The following SPAG16 variants were observed in gnomAD, a reference collection of about 807,000 sequenced individuals.
SPAG16 encodes the protein sperm-associated antigen 16 protein.
A neutral mutation model predicts 80.4 loss-of-function variants in SPAG16; 86 were observed. The observed-to-expected ratio is 1.07, with a 90% CI of 0.90 to 1.28. The LOEUF (loss-of-function observed/expected upper bound fraction) is 1.28. Among genes scored for constraint, SPAG16 ranks in the 50% most tolerant of loss-of-function variants. SPAG16 has a pLI of 0.00. For synonymous variants in SPAG16, 294 were observed against 265.9 expected (o/e 1.11, Z -1.03); for missense variants, 870 against 765.3 (o/e 1.14, Z -1.61).
At chr2:213,371,339 AG>A (rs1368557862) in intron 8 of SPAG16, among the ~76,000 whole-genome samples, 2 of 138,876 alleles carry the variant, frequency 1.4e-5, no homozygotes, top group African/African-American at 5.2e-5. Flanking sequence ...AGGAGGTTGC[AG>A]TGAGCCGAGA....
chr2:214,215,314 C>T (rs760415892), intron 15 of SPAG16, among the ~76,000 whole-genome samples: 4 of 152,080 alleles, frequency 2.6e-5, no homozygotes, highest in Non-Finnish European at 5.9e-5. Context: ...TGGCTCACCT[C>T]CAGGTGAGCC....
At chr2:213,688,414 A>G (rs1216256242) in intron 10 of SPAG16, among the ~76,000 whole-genome samples, 1 of 152,242 alleles carries the variant, frequency 6.6e-6, no homozygotes, top group African/African-American at 2.4e-5. Context: ...TCTCCCACAA[A>G]GTACAGCTTT....
chr2:213,832,808 C>A (rs184592594), intron 10 of SPAG16, among the ~76,000 whole-genome samples: 1 of 152,128 alleles, frequency 6.6e-6, no homozygotes, highest in Non-Finnish European at 1.5e-5. Context: ...TTCTGAAGGC[C>A]CTCACGTATG....
intron 14 of SPAG16, among the ~76,000 whole-genome samples, chr2:214,141,940 T>G (rs1576333816): frequency 6.6e-6 from 1 of 152,310 alleles, no homozygotes; most frequent in East Asian, 1.9e-4. Flanking sequence ...TCTGGCAAAG[T>G]TTCAGCCATT....
chr2:213,564,124 C>G (rs767499151), intron 10 of SPAG16, among the ~76,000 whole-genome samples: 31 of 152,076 alleles, frequency 2.0e-4, no homozygotes, highest in Non-Finnish European at 3.7e-4. Context: ...CTGCATTTCT[C>G]TTGATGTAGG....
intron 11 of SPAG16, among the ~76,000 whole-genome samples, chr2:213,888,100 A>G (rs1175643418): frequency 1.3e-5 from 2 of 151,974 alleles, no homozygotes. Context: ...ACCTTGAAGG[A>G]GCAAGAACTG....
At chr2:213,851,834 A>G (rs983095870) in intron 10 of SPAG16, among the ~76,000 whole-genome samples, 1 of 152,232 alleles carries the variant, frequency 6.6e-6, no homozygotes, top group African/African-American at 2.4e-5. Flanking sequence ...AAAAAACTGT[A>G]AGAATGCTCC....
intron 10 of SPAG16, among the ~76,000 whole-genome samples, chr2:213,532,462 A>ATT (rs374457236): frequency 0.065 from 9,100 of 139,932 alleles, 1,070 homozygotes; most frequent in African/African-American, 0.23. Flanking sequence ...GTTTAATTGA[A>ATT]TTTTTTTTTT....
intron 10 of SPAG16, among the ~76,000 whole-genome samples, chr2:213,612,762 C>T (rs1203038856): frequency 1.3e-5 from 2 of 152,176 alleles, no homozygotes; most frequent in African/African-American, 4.8e-5. Flanking sequence ...CAGCTCACTG[C>T]AACCTCTGCC....
Position 214,149,257 on chromosome 2 carries a change from G to T in SPAG16, c.1711G>T (p.Asp571Tyr). Residue 571 changes from aspartate to tyrosine, a missense_variant, in exon 15 of 16, where the codon GAT becomes TAT. By Grantham distance (160) the Asp-to-Tyr change is radical. Transcript: ENST00000331683. ...AAGTCCTGGCAATGAGGTGAATTTT[G>T]ATTCATCAGGTAGGATCATTTTTGT... is the stretch of plus-strand genomic sequence containing the variant. ...GPSPGNEVNF[D>Y]SSGRVLAQAS... The T allele has an allele frequency of 1.3e-6, 2 of 1,570,394 alleles. No homozygotes were observed. Among genetic ancestry groups the T allele is most frequent in the South Asian group, 2.4e-5 (2 of 85,094 alleles).
intron 13 of SPAG16, among the ~76,000 whole-genome samples, chr2:214,057,581 A>G (rs938506850): frequency 1.3e-5 from 2 of 152,172 alleles, no homozygotes; most frequent in African/African-American, 2.4e-5. Flanking sequence ...TGAATGGTTA[A>G]TGAGCATTGG....
At chr2:213,342,714 C>G (rs2064764219) in intron 6 of SPAG16, among the ~76,000 whole-genome samples, 1 of 151,772 alleles carries the variant, frequency 6.6e-6, no homozygotes, top group Non-Finnish European at 1.5e-5. Context: ...ATAGAATTAG[C>G]TCTCCAACTG....
intron 11 of SPAG16, among the ~76,000 whole-genome samples, chr2:213,869,280 T>TATAGAC (rs869276304): frequency 8.9e-6 from 1 of 112,478 alleles, no homozygotes; most frequent in African/African-American, 2.9e-5. Context: ...TATATATATA[T>TATAGAC]GTATATATAT....
chr2:213,719,238 T>C lies in SPAG16; in HGVS notation c.1071-143247T>C, dbSNP rs549117676. 7.0e-3 allele frequency among the ~76,000 whole-genome samples: 1,068 copies of C among 152,172 alleles called. 10 individuals are homozygous for C. The highest frequency in any genetic ancestry group is 0.025 in the African/African-American group (1,020 of 41,478). ...ATCGACACTCTGTATCTAGCTGCTC[T>C]GGTGGGGCCTTGGAGAACCTTTATG... On this transcript the variant is annotated intron_variant, in intron 10 of 15. Transcript: ENST00000331683.
intron 10 of SPAG16, among the ~76,000 whole-genome samples, chr2:213,603,210 A>G (rs376105493): frequency 2.6e-4 from 39 of 152,368 alleles, no homozygotes; most frequent in African/African-American, 8.4e-4. Flanking sequence ...TTTAAACTTC[A>G]TAAGGTAAGG....
chr2:214,189,744 G>T (rs1206994993), intron 15 of SPAG16, among the ~76,000 whole-genome samples: 1 of 151,792 alleles, frequency 6.6e-6, no homozygotes, highest in Admixed American at 6.6e-5. Context: ...TTTAAGAGGT[G>T]CTTTTAAAAA....
intron 10 of SPAG16, among the ~76,000 whole-genome samples, chr2:213,584,599 AAAGG>A (rs2060403436): frequency 6.6e-6 from 1 of 151,916 alleles, no homozygotes; most frequent in Non-Finnish European, 1.5e-5. Context: ...AGGAAAGGAA[AAAGG>A]AAGGAAAGAA....
intron 10 of SPAG16, among the ~76,000 whole-genome samples, chr2:213,610,402 T>TA (rs764944067): frequency 4.6e-5 from 7 of 152,148 alleles, no homozygotes; most frequent in Non-Finnish European, 1.0e-4. Context: ...AAGAAACACT[T>TA]ACCATCTATT....
chr2:213,362,486 G>T (rs181769485), intron 7 of SPAG16, among the ~76,000 whole-genome samples: 1 of 152,122 alleles, frequency 6.6e-6, no homozygotes, highest in Non-Finnish European at 1.5e-5. Context: ...ACTTTACAGT[G>T]GGGAAACCTG....
Sources: allele counts gnomAD v4.1 joint callset (sites outside exome capture counted in the v4.1 genomes callset), GRCh38; gene constraint gnomAD v4.1.1; transcripts MANE v1.5; gene names NCBI Gene and HGNC (gene_info 2026-07-23, HGNC 2026-07-21).